Variants in ADCY10 observed in about 807,000 individuals in gnomAD.
ADCY10 encodes adenylate cyclase 10, also known as adenylate cyclase type 10.
In ADCY10, 156 loss-of-function variants were observed where a neutral mutation model predicts 183.3. That is an observed-to-expected ratio of 0.85 (90% CI 0.75 to 0.97). ADCY10 has a LOEUF of 0.97. ADCY10 is among the 50% of genes least tolerant of loss of function. ADCY10 has a pLI of 0.00. For synonymous variants in ADCY10, 645 were observed against 670.0 expected, an observed-to-expected ratio of 0.96 and a Z score of 0.58; for missense variants, 1,745 against 1,934.3, an observed-to-expected ratio of 0.90 and a Z score of 1.84.
chr1:167,891,255 T>C (rs1668569051), intron 8 of ADCY10, among the ~76,000 whole-genome samples: 1 of 151,854 alleles, frequency 6.6e-6, no homozygotes, highest in South Asian at 2.1e-4. Flanking sequence ...CCATCACGCT[T>C]GGCTCATCTA....
chr1:167,850,365 G>A (rs203798), intron 18 of ADCY10, among the ~76,000 whole-genome samples: 19,670 of 152,062 alleles, frequency 0.13, 1,377 homozygotes, highest in African/African-American at 0.17. Context: ...AAGGGAATCT[G>A]TGGAATAGTT....
At chr1:167,830,600 G>C (rs894733567) in intron 25 of ADCY10, among the ~76,000 whole-genome samples, 11 of 152,076 alleles carry the variant, frequency 7.2e-5, no homozygotes, top group African/African-American at 2.7e-4. Flanking sequence ...CGCCATGTTG[G>C]CCAGGCTGGT....
chr1:167,877,667 C>T (rs1175482907), intron 12 of ADCY10, among the ~76,000 whole-genome samples: 1 of 151,922 alleles, frequency 6.6e-6, no homozygotes, highest in Non-Finnish European at 1.5e-5. Context: ...AAGGAGTGTT[C>T]TAATAGAAGC....
chr1:167,905,685 G>T (rs1194827179), intron 1 of ADCY10, among the ~76,000 whole-genome samples: 1 of 152,010 alleles, frequency 6.6e-6, no homozygotes, highest in Non-Finnish European at 1.5e-5. Flanking sequence ...ATAGGCAAGA[G>T]ATTAAGACTA....
chr1:167,875,099 A>G, intron 13 of ADCY10, 32 bp downstream of exon 13: 1 of 1,591,780 alleles, frequency 6.3e-7, no homozygotes, highest in Non-Finnish European at 8.6e-7. Context: ...TTAGTTCAAT[A>G]AAGAAGTTTA....
chr1:167,868,788 A>G (rs955826686), intron 14 of ADCY10, among the ~76,000 whole-genome samples: 1 of 152,226 alleles, frequency 6.6e-6, no homozygotes, highest in Non-Finnish European at 1.5e-5. Flanking sequence ...AAATTATACA[A>G]TACTATAGGC....
At chr1:167,871,825 T>C (rs1262638849) in intron 13 of ADCY10, among the ~76,000 whole-genome samples, 1 of 152,244 alleles carries the variant, frequency 6.6e-6, no homozygotes. Context: ...GGGTGAAATA[T>C]TCCCTTTCTG....
chr1:167,864,713 C>G (rs1423614466), intron 14 of ADCY10, among the ~76,000 whole-genome samples: 1 of 151,592 alleles, frequency 6.6e-6, no homozygotes, highest in African/African-American at 2.4e-5. Flanking sequence ...AATTTAAAAC[C>G]TAAAATTGAT....
intron 11 of ADCY10, 23 bp downstream of exon 11, chr1:167,880,092 G>A (rs776185626): frequency 1.2e-6 from 2 of 1,602,358 alleles, no homozygotes; most frequent in Admixed American, 3.4e-5. Context: ...AAAGAAAGCT[G>A]GAGATGAGCT....
chr1:167,877,400 A>G (rs1667549236), intron 12 of ADCY10, among the ~76,000 whole-genome samples: 1 of 151,720 alleles, frequency 6.6e-6, no homozygotes, highest in Admixed American at 6.6e-5. Context: ...AGGAATACTG[A>G]AGGGAATAAT....
intron 14 of ADCY10, among the ~76,000 whole-genome samples, chr1:167,867,065 A>G (rs1194543979): frequency 2.0e-5 from 3 of 152,234 alleles, no homozygotes; most frequent in African/African-American, 4.8e-5. Context: ...TGCTCTGTGA[A>G]AATCCCCACA....
At chr1:167,835,967 G>C (rs994170471) in intron 23 of ADCY10, among the ~76,000 whole-genome samples, 5 of 152,192 alleles carry the variant, frequency 3.3e-5, no homozygotes, top group Non-Finnish European at 7.3e-5. Flanking sequence ...AGGCTTAACA[G>C]AGGGTAAATG....
chr1:167,831,842 T>C (rs957870532), intron 25 of ADCY10, among the ~76,000 whole-genome samples: 1 of 152,204 alleles, frequency 6.6e-6, no homozygotes, highest in African/African-American at 2.4e-5. Context: ...TCACTGTTTA[T>C]CTGAAATTCA....
intron 31 of ADCY10, among the ~76,000 whole-genome samples, chr1:167,817,182 G>T (rs1662582744): frequency 6.6e-6 from 1 of 152,078 alleles, no homozygotes; most frequent in African/African-American, 2.4e-5. Context: ...TGGCTAATGT[G>T]GTGAAATCCC....
At chr1:167,842,015 A>G (rs1664690489) in intron 21 of ADCY10, among the ~76,000 whole-genome samples, 1 of 152,244 alleles carries the variant, frequency 6.6e-6, no homozygotes, top group Non-Finnish European at 1.5e-5. Flanking sequence ...AGCCCCCAGG[A>G]GGGTAAACCG....
At chr1:167,859,424 T>G (rs561644975) in intron 16 of ADCY10, among the ~76,000 whole-genome samples, 25 of 152,116 alleles carry the variant, frequency 1.6e-4, no homozygotes, top group Non-Finnish European at 3.1e-4. Context: ...AGCAGAAACA[T>G]AGAGAGGGTA....
chr1:167,904,850 T>C (rs1669705546), intron 2 of ADCY10, 143 bp downstream of exon 2: 1 of 1,070,706 alleles, frequency 9.3e-7, no homozygotes, highest in East Asian at 2.5e-5. Flanking sequence ...TTCCTCCCTC[T>C]TGTGTTCTCA....
In ADCY10 at chr1:167,904,019, T is replaced by C. The variant is rs1202520443; in HGVS notation, c.149-28A>G. 5 of 1,517,810 alleles carry C rather than the reference T, an allele frequency of 3.3e-6. No homozygotes were observed. In the African/African-American group the frequency reaches 6.9e-5, roughly 21 times the overall value. 94.0% of individuals were successfully genotyped at this position (1,517,810 alleles called of 1,614,324 possible). On this transcript the variant is annotated intron_variant, in intron 2 of 32. Coordinates refer to ENST00000367851, the MANE Select transcript of ADCY10 (RefSeq NM_018417.6). Reference sequence around the variant, plus strand: ...GGAATAAATGTGCAGCTGGTTTCCTTGGCTGCTTGGGGGAATCAAACAGAG... The same window carrying C: ...GGAATAAATGTGCAGCTGGTTTCCTCGGCTGCTTGGGGGAATCAAACAGAG...
intron 17 of ADCY10, among the ~76,000 whole-genome samples, chr1:167,854,709 A>G (rs1428019182): frequency 3.9e-5 from 6 of 152,196 alleles, no homozygotes; most frequent in East Asian, 1.9e-4. Flanking sequence ...TAAAACAGAC[A>G]TTGGAAGGAT....
Sources: gnomAD v4.1 joint callset for allele counts (sites outside exome capture counted in the v4.1 genomes callset) on GRCh38, gnomAD v4.1.1 for gene constraint, MANE v1.5 for transcripts, NCBI Gene and HGNC (gene_info 2026-07-23, HGNC 2026-07-21) for gene names.